Variants in PTCHD4 observed in about 807,000 individuals in gnomAD.
PTCHD4 encodes patched domain containing 4.
A neutral mutation model predicts 58.1 loss-of-function variants in PTCHD4; 33 were observed. That is an observed-to-expected ratio of 0.57 (90% CI 0.43 to 0.76). The LOEUF is 0.76. Among genes scored for constraint, PTCHD4 ranks in the 30% least tolerant of loss-of-function variants. The pLI, the probability that PTCHD4 is intolerant of heterozygous loss-of-function variation, is 0.00. For missense variants in PTCHD4, 1,058 were observed against 1,027.1 expected, an observed-to-expected ratio of 1.03 and a Z score of -0.41; for synonymous variants, 478 against 409.6, an observed-to-expected ratio of 1.17 and a Z score of -2.02.
chr6:47,912,676 A>G (rs1430016445), intron 4 of PTCHD4, among the ~76,000 whole-genome samples: 2 of 152,140 alleles, frequency 1.3e-5, no homozygotes, highest in Non-Finnish European at 2.9e-5. Flanking sequence ...TCAATAATTG[A>G]TGAACTGTAA....
intron 1 of PTCHD4, among the ~76,000 whole-genome samples, chr6:48,083,058 C>G (rs1765197545): frequency 6.6e-6 from 1 of 150,958 alleles, no homozygotes; most frequent in African/African-American, 2.4e-5. Flanking sequence ...GGCATATTTG[C>G]ACAGTATTTT....
chr6:48,057,799 A>G (rs1036379554), intron 3 of PTCHD4, among the ~76,000 whole-genome samples: 3 of 152,224 alleles, frequency 2.0e-5, no homozygotes, highest in African/African-American at 7.2e-5. Flanking sequence ...CTCAGTGGCC[A>G]TGGTCAGGAG....
At chr6:47,997,904 C>T (rs1206238880) in intron 4 of PTCHD4, among the ~76,000 whole-genome samples, 1 of 152,096 alleles carries the variant, frequency 6.6e-6, no homozygotes, top group African/African-American at 2.4e-5. Flanking sequence ...TGTTAGATCA[C>T]TAGGTATGAT....
At chr6:47,884,441 C>T (rs1358360980) in intron 4 of PTCHD4, among the ~76,000 whole-genome samples, 1 of 152,176 alleles carries the variant, frequency 6.6e-6, no homozygotes, top group Non-Finnish European at 1.5e-5. Context: ...CACCCTTACT[C>T]AGAGATTCTT....
intron 3 of PTCHD4, among the ~76,000 whole-genome samples, chr6:48,016,047 C>T (rs1005518971): frequency 4.6e-5 from 7 of 151,862 alleles, no homozygotes; most frequent in Admixed American, 3.9e-4. Context: ...AACAACATCT[C>T]TTTCTCAGTC....
intron 4 of PTCHD4, among the ~76,000 whole-genome samples, chr6:47,963,446 A>T (rs187194478): frequency 7.8e-4 from 119 of 152,352 alleles, no homozygotes; most frequent in African/African-American, 2.8e-3. Flanking sequence ...AAAATTAAAA[A>T]TAGAACTACT....
At chr6:48,075,486 AACC>A (rs1765047089) in intron 1 of PTCHD4, among the ~76,000 whole-genome samples, 1 of 146,482 alleles carries the variant, frequency 6.8e-6, no homozygotes, top group Non-Finnish European at 1.5e-5. Context: ...TTAACTGCTT[AACC>A]ACTATATCAC....
At chr6:48,058,614 C>A (rs370332777) in intron 3 of PTCHD4, among the ~76,000 whole-genome samples, 1 of 152,044 alleles carries the variant, frequency 6.6e-6, no homozygotes, top group South Asian at 2.1e-4. Flanking sequence ...AGCCAGCAAA[C>A]GGTAGAGAAC....
In PTCHD4 at chr6:48,068,207, T is replaced by G. The variant is rs747307252; in HGVS notation, c.417+23A>C. Reference sequence around the variant, plus strand: ...CAACACACACAGATGGGAAAAAGTATAATTATAGCCCTTGTGGTTCACCTT... The same window carrying G: ...CAACACACACAGATGGGAAAAAGTAGAATTATAGCCCTTGTGGTTCACCTT... On this transcript the variant is annotated intron_variant, in intron 3 of 4. Transcript: ENST00000339488. This position sits in a 1 kb window ranked among gnomAD's most constrained non-coding sequence, Gnocchi z 4.2. 4.6e-6 allele frequency: 7 copies of G among 1,523,486 alleles called. No individual in the cohort carries two copies. In the African/African-American group the frequency reaches 5.6e-5, roughly 12 times the overall value. The allele number at this position is 1,523,486 out of a possible 1,614,324, so 94.4% of individuals were successfully genotyped here.
rs546521116 is a variant in PTCHD4 at position 47,858,408 on chromosome 6, A to C, written c.*19895T>G. Among the ~76,000 whole-genome samples the C allele has an allele frequency of 2.6e-5, 4 of 152,146 alleles. No homozygotes were observed. In the South Asian group the frequency reaches 6.2e-4, roughly 24 times the overall value. ...TCAAGTGGATAAAAATATAAGTAACAATCTCAGCTGAGAATGAGGCAGAAA... is the reference window on the plus strand; with the variant it reads ...TCAAGTGGATAAAAATATAAGTAACCATCTCAGCTGAGAATGAGGCAGAAA... On this transcript the variant is annotated 3_prime_UTR_variant, in exon 5 of 5. Coordinates refer to ENST00000339488, the MANE Select transcript of PTCHD4 (RefSeq NM_001384253.1).
chr6:47,891,221 C>CAAA (rs35503136), intron 4 of PTCHD4, among the ~76,000 whole-genome samples: 11 of 83,296 alleles, frequency 1.3e-4, no homozygotes, highest in African/African-American at 3.8e-4. Context: ...GACTGTGTCT[C>CAAA]AAAAAAAAAA....
At chr6:48,032,631 A>G (rs997720437) in intron 3 of PTCHD4, among the ~76,000 whole-genome samples, 17 of 152,184 alleles carry the variant, frequency 1.1e-4, no homozygotes, top group Non-Finnish European at 2.1e-4. Flanking sequence ...TTCTGGTTAT[A>G]ATAAAATGGA....
intron 4 of PTCHD4, among the ~76,000 whole-genome samples, chr6:47,938,542 A>G (rs1766098827): frequency 6.6e-6 from 1 of 152,238 alleles, no homozygotes; most frequent in Non-Finnish European, 1.5e-5. Context: ...AAGACCATCA[A>G]CTAAAGGCGA....
intron 4 of PTCHD4, among the ~76,000 whole-genome samples, chr6:47,902,828 G>C (rs550921922): frequency 6.6e-6 from 1 of 152,072 alleles, no homozygotes; most frequent in East Asian, 1.9e-4. Context: ...GTTTTTCTTT[G>C]TTACAAAGTG....
chr6:47,982,592 C>T (rs1767923746), intron 4 of PTCHD4, among the ~76,000 whole-genome samples: 1 of 151,726 alleles, frequency 6.6e-6, no homozygotes, highest in African/African-American at 2.4e-5. Flanking sequence ...GGGTTCACGC[C>T]ATTCTCCTGC....
At chr6:48,107,654 T>C (rs1765761845) in intron 1 of PTCHD4, among the ~76,000 whole-genome samples, 2 of 151,722 alleles carry the variant, frequency 1.3e-5, no homozygotes, top group South Asian at 2.1e-4. Flanking sequence ...ACCATCAGAG[T>C]GAACAGGAAA....
At chr6:48,110,961 T>C (rs1387873741) in intron 1 of PTCHD4, among the ~76,000 whole-genome samples, 88 bp downstream of exon 1, 1 of 151,982 alleles carries the variant, frequency 6.6e-6, no homozygotes, top group Non-Finnish European at 1.5e-5. Context: ...CTTCTACACA[T>C]GCATTGTTCA....
chr6:47,911,573 GT>G (rs1289297206), intron 4 of PTCHD4, among the ~76,000 whole-genome samples: 3 of 152,112 alleles, frequency 2.0e-5, no homozygotes, highest in Non-Finnish European at 4.4e-5. Context: ...TGATGTCCAG[GT>G]TTTGAGCCTT....
intron 3 of PTCHD4, among the ~76,000 whole-genome samples, chr6:48,010,923 G>A (rs1762645513): frequency 6.6e-6 from 1 of 152,088 alleles, no homozygotes; most frequent in Non-Finnish European, 1.5e-5. Flanking sequence ...CATTTTTATG[G>A]CTGCATAGTA....
Sources: allele counts gnomAD v4.1 joint callset (sites outside exome capture counted in the v4.1 genomes callset), GRCh38; gene constraint gnomAD v4.1.1; non-coding constraint Gnocchi (gnomAD v3.1); transcripts MANE v1.5; gene names NCBI Gene and HGNC (gene_info 2026-07-23, HGNC 2026-07-21).